Variants in SFPQ observed in about 807,000 individuals in gnomAD.
SFPQ encodes the protein splicing factor proline and glutamine rich, also known as splicing factor, proline- and glutamine-rich.
SFPQ carries 11 observed loss-of-function variants against 72.9 expected under a neutral mutation model. The ratio of observed to expected loss-of-function variants is 0.15; its 90% CI spans 0.09 to 0.25. SFPQ has a LOEUF of 0.25. Among genes scored for constraint, SFPQ ranks in the 10% least tolerant of loss-of-function variants. The pLI, the probability that SFPQ is intolerant of heterozygous loss-of-function variation, is 1.00. For synonymous variants in SFPQ, 506 were observed against 367.3 expected (o/e 1.38, Z -4.32); for missense variants, 847 against 993.3 (o/e 0.85, Z 1.98).
intron 4 of SFPQ, among the ~76,000 whole-genome samples, chr1:35,189,592 T>A (rs1186922185): frequency 6.6e-6 from 1 of 152,188 alleles, no homozygotes; most frequent in Non-Finnish European, 1.5e-5. Flanking sequence ...CCTACCTTCC[T>A]CGTTTTCTAA....
chr1:35,181,088 A>G, downstream of SFPQ: 1 of 1,065,034 alleles, frequency 9.4e-7, no homozygotes, highest in Non-Finnish European at 1.1e-6. Flanking sequence ...CCACGGAATA[A>G]AAGTACATAC....
chr1:35,180,831 A>C (rs1316212597), downstream of SFPQ: 2 of 985,250 alleles, frequency 2.0e-6, no homozygotes, highest in Admixed American at 6.2e-5. Flanking sequence ...CCTCTCCCCC[A>C]CACCACTGAT....
chr1:35,189,430 C>T (rs375185437), intron 4 of SFPQ, 48 bp from the exon 5 acceptor site: 51 of 1,438,748 alleles, frequency 3.5e-5, no homozygotes, highest in Non-Finnish European at 4.9e-5. Flanking sequence ...GAATGCATAC[C>T]AGAAAATACT....
Position 35,183,597 on chromosome 1 carries a change from G to A in SFPQ, c.*859C>T. The A allele has an allele frequency of 9.8e-7, 1 of 1,023,498 alleles. No homozygotes were observed. Among genetic ancestry groups the A allele is most frequent in the Non-Finnish European group, 1.2e-6 (1 of 851,800 alleles). The allele number at this position is 1,023,498 out of a possible 1,614,324, so 63.4% of individuals were successfully genotyped here. ...TATAAATCACTTGAATACATGAAAA[G>A]ACTTCATGTTTAACATCTTTAATTC... On this transcript the variant is annotated 3_prime_UTR_variant, in exon 10 of 10. Coordinates refer to ENST00000357214, the MANE Select transcript of SFPQ (RefSeq NM_005066.3).
At chr1:35,178,519 G>A (rs745632000), downstream of SFPQ, 6 of 1,061,546 alleles carry the variant, frequency 5.7e-6, no homozygotes, top group Non-Finnish European at 5.7e-6. Flanking sequence ...AGTACACAAC[G>A]CTGTAGTTGT....
Position 35,192,924 on chromosome 1 carries a change from C to T in SFPQ, c.126G>A (p.Gln42=). The part of the protein sequence containing the change: ...RSPPPGMGLN[Q]NRGPMGPGPG... ...GGCCAGGACCCATGGGGCCGCGATT[C>T]TGATTGAGGCCCATGCCGGGCGGCG... Residue 42 remains glutamine, a synonymous_variant, in exon 1 of 10, where the codon CAG becomes CAA. Transcript: ENST00000357214. 1.9e-6 allele frequency: 3 copies of T among 1,584,196 alleles called. No homozygotes were observed. The South Asian group carries it at 3.3e-5, about 18-fold the overall frequency.
chr1:35,186,975 G>T, intron 9 of SFPQ, 26 bp downstream of exon 9: 7 of 1,596,476 alleles, frequency 4.4e-6, no homozygotes, highest in Non-Finnish European at 6.0e-6. Context: ...AATTTCCTTG[G>T]TACTACGTCC....
At position 35,192,390 on chromosome 1, in the gene SFPQ, GC is replaced by G; in HGVS notation, c.659del (p.Gly220AlafsTer5). The G allele has an allele frequency of 7.1e-7, 1 of 1,411,282 alleles. No homozygotes were observed. The highest frequency in any genetic ancestry group is 3.2e-5 in the Admixed American group (1 of 30,980). 87.4% of individuals were successfully genotyped at this position (1,411,282 alleles called of 1,614,324 possible). A position where few individuals can be genotyped will look rare whatever the true frequency, so the allele number is the denominator to read the frequency against. On this transcript the variant is annotated frameshift_variant, in exon 1 of 10. Transcript: ENST00000357214. LOFTEE classifies it high-confidence loss of function. The part of the protein sequence containing the change: ...GKMPGGPKPG[G>X]GPGLSTPGGH... ...CGCCAGGCGTACTTAGGCCCGGGCC[GC>G]CACCTGGCTTCGGCCCGCCAGGCAT...
intron 2 of SFPQ, 49 bp downstream of exon 2, chr1:35,191,292 A>G (rs146333986): frequency 6.6e-7 from 1 of 1,517,648 alleles, no homozygotes; most frequent in African/African-American, 1.4e-5. Flanking sequence ...GTGACAAAAA[A>G]ATCCCCCACC....
rs3768339 is a variant in SFPQ, at chr1:35,184,401, T to C, written c.*55A>G. The C allele has an allele frequency of 0.03, 47,030 of 1,586,186 alleles. 5,496 individuals carry two copies. The East Asian group carries it at 0.41, about 14-fold the overall frequency. On this transcript the variant is annotated 3_prime_UTR_variant, in exon 10 of 10. Transcript: ENST00000357214. The stretch of plus-strand genomic sequence containing the variant: ...TACTAAAATGCAAGAATTTAAAAGA[T>C]TGGTATCTAAACAAAAAAACAAAAC...
chr1:35,185,902 C>T (rs1193951851), intron 9 of SFPQ, among the ~76,000 whole-genome samples: 1 of 152,060 alleles, frequency 6.6e-6, no homozygotes, highest in African/African-American at 2.4e-5. Flanking sequence ...AGAATATAAA[C>T]CTTTAATTGT....
In SFPQ at chr1:35,183,346, T is replaced by C. The variant is rs149937201; in HGVS notation, c.*1110A>G. 6.8e-6 allele frequency: 2 copies of C among 295,244 alleles called. No individual in the cohort carries two copies. The highest frequency in any genetic ancestry group is 1.0e-5 in the Non-Finnish European group (2 of 193,460). The allele number at this position is 295,244 out of a possible 1,614,324, so 18.3% of individuals were successfully genotyped here. A position where few individuals can be genotyped will look rare whatever the true frequency, so the allele number is the denominator to read the frequency against. Reference sequence around the variant, plus strand: ...AATTCTCCTGGCTCAGCCTCCCGAGTAGCTGGGATTACAGGCGCCTGCCAC... The same window carrying C: ...AATTCTCCTGGCTCAGCCTCCCGAGCAGCTGGGATTACAGGCGCCTGCCAC... On this transcript the variant is annotated 3_prime_UTR_variant, in exon 10 of 10. Coordinates refer to ENST00000357214, the MANE Select transcript of SFPQ (RefSeq NM_005066.3).
At chr1:35,182,817 A>T (rs1639525257), downstream of SFPQ, 3 of 1,050,610 alleles carry the variant, frequency 2.9e-6, no homozygotes, top group Non-Finnish European at 3.4e-6. Flanking sequence ...TTACACTGGG[A>T]AATCAGGCTC....
At chr1:35,178,164 TA>T, downstream of SFPQ, 2 of 1,062,878 alleles carry the variant, frequency 1.9e-6, no homozygotes, top group African/African-American at 1.7e-5. Flanking sequence ...AGTTACAGCA[TA>T]AAAAAATAGG....
chr1:35,191,867 C>A (rs1640016677), intron 1 of SFPQ, among the ~76,000 whole-genome samples: 1 of 152,250 alleles, frequency 6.6e-6, no homozygotes, highest in Admixed American at 6.5e-5. Context: ...GTAACCTACA[C>A]GATCTGCGCC....
At chr1:35,187,949 G>A (rs1263154327) in intron 7 of SFPQ, 24 bp downstream of exon 7, 28 of 1,451,050 alleles carry the variant, frequency 1.9e-5, no homozygotes, top group Middle Eastern at 1.7e-4. Flanking sequence ...AACTCCAATT[G>A]GAAGGCAGTA....
chr1:35,191,162 TTC>T (rs1557811395), intron 2 of SFPQ, among the ~76,000 whole-genome samples, 167 bp from the exon 3 acceptor site: 2 of 152,290 alleles, frequency 1.3e-5, no homozygotes, highest in South Asian at 2.1e-4. Context: ...CACCCCTCTT[TTC>T]TCTTAGGTAG....
rs1639261524 is a variant in SFPQ at position 35,176,827 on chromosome 1, CTG to C, written c.*106-358_*106-357del. 9.4e-5 allele frequency among the ~76,000 whole-genome samples: 14 copies of C among 148,518 alleles called. No homozygotes were observed. In the South Asian group the frequency reaches 2.6e-3, roughly 27 times the overall value. ...AGGCGGAGCTTGCGGTGAGCCAAGA[CTG>C]TGCACCACTGCTCCAGCCTGGGCGA... On this transcript the variant is annotated intron_variant and NMD_transcript_variant, in intron 5 of 5. Coordinates refer to the SFPQ transcript ENST00000460428.
In SFPQ at chr1:35,192,799, G is replaced by A. The variant is rs926069894; in HGVS notation, c.251C>T (p.Pro84Leu). ...PQQPPPQQPP[P>L]HQPPPHPQPH... ...CTGTGGATGCGGCGGCGGCTGATGC[G>A]GTGGCGGCTGCTGCGGCGGTGGCTG... The change falls in exon 1 of 10, where the codon CCG (proline) becomes CTG (leucine). Residue 84 changes from proline to leucine, a missense_variant. Physicochemically the swap from Pro to Leu is moderately conservative, Grantham distance 98. Coordinates refer to ENST00000357214, the MANE Select transcript of SFPQ (RefSeq NM_005066.3). 29 of 1,503,202 alleles carry A rather than the reference G, an allele frequency of 1.9e-5. No homozygotes were observed. In the African/African-American group the frequency reaches 3.8e-4, roughly 19 times the overall value. 93.1% of individuals were successfully genotyped at this position (1,503,202 alleles called of 1,614,324 possible).
Sources: gnomAD v4.1 joint callset for allele counts (sites outside exome capture counted in the v4.1 genomes callset) on GRCh38, gnomAD v4.1.1 for gene constraint, MANE v1.5 for transcripts, NCBI Gene and HGNC (gene_info 2026-07-23, HGNC 2026-07-21) for gene names.